Variants in RNF111 observed in about 807,000 individuals in gnomAD.
RNF111 encodes E3 ubiquitin-protein ligase Arkadia.
A neutral mutation model predicts 95.1 loss-of-function variants in RNF111; 17 were observed. That is an observed-to-expected ratio of 0.18 (90% CI 0.12 to 0.27). The LOEUF (loss-of-function observed/expected upper bound fraction) is 0.27. Ranked by LOEUF, RNF111 falls within the 10% of genes least tolerant of loss-of-function variation. The pLI, the probability that RNF111 is intolerant of heterozygous loss-of-function variation, is 1.00. For missense variants in RNF111, 1,189 were observed against 1,210.4 expected (o/e 0.98, Z 0.26); for synonymous variants, 440 against 414.8 (o/e 1.06, Z -0.74).
Position 58,988,017 on chromosome 15 carries a change from T to G in RNF111, c.-71T>G, listed in dbSNP as rs558429940. ...CGCCTTACATTTCTGTCTTCCTTCC[T>G]GGGTCAGTGATTCCCGGACCCTGGA... On this transcript the variant is annotated 5_prime_UTR_variant, in exon 1 of 14. Transcript: ENST00000348370. 2.8e-5 allele frequency: 4 copies of G among 145,004 alleles called. No individual in the cohort carries two copies. The highest frequency in any genetic ancestry group is 5.1e-5 in the African/African-American group (2 of 39,042). The allele number at this position is 145,004 out of a possible 1,614,324, so 9.0% of individuals were successfully genotyped here. A position where few individuals can be genotyped will look rare whatever the true frequency, so the allele number is the denominator to read the frequency against.
chr15:59,002,660 G>T (rs1207801917), intron 1 of RNF111, among the ~76,000 whole-genome samples: 1 of 152,004 alleles, frequency 6.6e-6, no homozygotes, highest in Non-Finnish European at 1.5e-5. Flanking sequence ...GTAATCTTCA[G>T]TTCCCTATAG....
chr15:58,988,127 A>AG (rs1360847155), intron 1 of RNF111, 59 bp downstream of exon 1: 27 of 56,440 alleles, frequency 4.8e-4, no homozygotes, highest in South Asian at 1.3e-3. Flanking sequence ...GCAACGGGGG[A>AG]GGGGCCGGCC....
chr15:59,024,519 A>AT lies in RNF111; in HGVS notation c.-19-6279dup, dbSNP rs60668889. On this transcript the variant is annotated intron_variant, in intron 1 of 13. Transcript: ENST00000348370. ...TTTGAGTGATGAGGAAGAGAGGGTG[A>AT]TTTTTTAAAGTGTGTTTTAGTCCAG... Among the ~76,000 whole-genome samples the AT allele has an allele frequency of 8.7e-3, 1,321 of 152,314 alleles. 15 individuals carry two copies. Among genetic ancestry groups the AT allele is most frequent in the African/African-American group, 0.03 (1,263 of 41,560 alleles).
chr15:58,999,108 C>T (rs2039215747), intron 1 of RNF111, among the ~76,000 whole-genome samples: 1 of 152,146 alleles, frequency 6.6e-6, no homozygotes, highest in Admixed American at 6.5e-5. Flanking sequence ...ATTAAATATA[C>T]TACTCCCTTT....
At chr15:59,071,474 A>G (rs1354309618) in intron 6 of RNF111, among the ~76,000 whole-genome samples, 1 of 151,990 alleles carries the variant, frequency 6.6e-6, no homozygotes, top group South Asian at 2.1e-4. Context: ...CTTGACCGCA[A>G]GAGTTCGAGA....
chr15:59,051,803 AAATG>A (rs1216619050), intron 2 of RNF111, among the ~76,000 whole-genome samples: 2 of 149,216 alleles, frequency 1.3e-5, no homozygotes, highest in Admixed American at 1.3e-4. Context: ...ATAAATAAAT[AAATG>A]AATAAATAAA....
intron 1 of RNF111, among the ~76,000 whole-genome samples, chr15:58,996,496 G>A (rs1432824553): frequency 6.6e-6 from 1 of 151,700 alleles, no homozygotes; most frequent in Non-Finnish European, 1.5e-5. Context: ...CAGGAGAATC[G>A]CTTGAACCTG....
intron 1 of RNF111, among the ~76,000 whole-genome samples, chr15:58,990,840 A>G (rs1261731395): frequency 6.6e-6 from 1 of 152,120 alleles, no homozygotes. Context: ...GAAACCTGTA[A>G]TTATTGTTCA....
At chr15:59,089,844 A>G (rs1275216471) in intron 11 of RNF111, 85 bp downstream of exon 11, 2 of 880,646 alleles carry the variant, frequency 2.3e-6, no homozygotes, top group East Asian at 2.5e-5. Flanking sequence ...ACAATTGTGT[A>G]GGACTGCTAC....
rs568750262 is a variant in RNF111 at position 58,992,701 on chromosome 15, TC to T, written c.-20+4636del. ...CAGGCATAATGGCACATGCCTGTAGTCCCAGCTACTCGGGAGGCTGAGGTGA... is the reference window on the plus strand; with the variant it reads ...CAGGCATAATGGCACATGCCTGTAGTCCAGCTACTCGGGAGGCTGAGGTGA... On this transcript the variant is annotated intron_variant, in intron 1 of 13. Coordinates refer to ENST00000348370, the MANE Select transcript of RNF111 (RefSeq NM_017610.8). Among the ~76,000 whole-genome samples the T allele has an allele frequency of 4.6e-5, 7 of 152,142 alleles. No homozygotes were observed. The East Asian group carries it at 1.4e-3, about 29-fold the overall frequency.
chr15:59,052,211 G>T, intron 2 of RNF111, 94 bp from the exon 3 acceptor site: 1 of 1,120,610 alleles, frequency 8.9e-7, no homozygotes, highest in African/African-American at 1.6e-5. Flanking sequence ...TTTTTGCAAT[G>T]AATTTCATGG....
intron 5 of RNF111, among the ~76,000 whole-genome samples, chr15:59,059,684 C>T (rs1461196632): frequency 6.8e-6 from 1 of 146,368 alleles, no homozygotes; most frequent in South Asian, 2.1e-4. Context: ...GCTCTTATCT[C>T]AAGCTAGTTC....
chr15:59,030,113 A>G (rs547983491), intron 1 of RNF111, among the ~76,000 whole-genome samples: 2 of 152,182 alleles, frequency 1.3e-5, no homozygotes, highest in African/African-American at 4.8e-5. Flanking sequence ...TAGCTGTACA[A>G]AGTTTGATTT....
chr15:59,023,436 C>A (rs17190751), intron 1 of RNF111, among the ~76,000 whole-genome samples: 12,064 of 151,896 alleles, frequency 0.079, 623 homozygotes, highest in Admixed American at 0.19. Flanking sequence ...ATTTTCATTC[C>A]TCTTGTAAGT....
At chr15:59,019,195 T>C (rs2040216322) in intron 1 of RNF111, among the ~76,000 whole-genome samples, 1 of 151,284 alleles carries the variant, frequency 6.6e-6, no homozygotes, top group South Asian at 2.1e-4. Context: ...TGCCTTGGCC[T>C]CACAAAGTGC....
At chr15:58,998,449 G>C (rs1355020194) in intron 1 of RNF111, among the ~76,000 whole-genome samples, 1 of 152,044 alleles carries the variant, frequency 6.6e-6, no homozygotes, top group Non-Finnish European at 1.5e-5. Flanking sequence ...CCCTCATTGT[G>C]TCCGTATGTT....
chr15:58,998,210 T>C (rs1285166913), intron 1 of RNF111, among the ~76,000 whole-genome samples: 3 of 152,062 alleles, frequency 2.0e-5, no homozygotes, highest in Admixed American at 6.6e-5. Flanking sequence ...GCCAAGCACA[T>C]GTGTTTTTAA....
intron 1 of RNF111, among the ~76,000 whole-genome samples, chr15:58,990,460 C>T (rs575631309): frequency 1.5e-4 from 23 of 152,172 alleles, no homozygotes; most frequent in African/African-American, 3.1e-4. Context: ...ACCAGTCTGG[C>T]CAAAATGGTG....
intron 11 of RNF111, 91 bp from the exon 12 acceptor site, chr15:59,090,968 T>G (rs1265034481): frequency 5.5e-5 from 41 of 748,332 alleles, no homozygotes; most frequent in Non-Finnish European, 8.4e-5. Context: ...AGTTTCTAAG[T>G]ATGGAGGTTT....
Sources: allele counts gnomAD v4.1 joint callset (sites outside exome capture counted in the v4.1 genomes callset), GRCh38; gene constraint gnomAD v4.1.1; transcripts MANE v1.5; gene names NCBI Gene and HGNC (gene_info 2026-07-23, HGNC 2026-07-21).